The following CFAP299 variants were observed in gnomAD, a reference collection of about 807,000 sequenced individuals.
CFAP299 encodes the protein cilia and flagella associated protein 299.
In CFAP299, 21 loss-of-function variants were observed where a neutral mutation model predicts 27.0. The observed-to-expected ratio is 0.78, with a 90% confidence interval of 0.55 to 1.12. The LOEUF is 1.12. CFAP299 is among the 50% of genes most tolerant of loss of function. The pLI, the probability that CFAP299 is intolerant of heterozygous loss-of-function variation, is 0.00. For missense variants in CFAP299, 310 were observed against 276.6 expected, an observed-to-expected ratio of 1.12 and a Z score of -0.86; for synonymous variants, 104 against 98.1, an observed-to-expected ratio of 1.06 and a Z score of -0.36.
chr4:80,936,370 G>A (rs924704338), intron 4 of CFAP299, among the ~76,000 whole-genome samples: 2 of 152,026 alleles, frequency 1.3e-5, no homozygotes, highest in African/African-American at 2.4e-5. Flanking sequence ...CAATAGCAAA[G>A]ACATGCAATT....
chr4:80,869,562 G>C (rs1323876683), intron 3 of CFAP299, among the ~76,000 whole-genome samples: 1 of 152,174 alleles, frequency 6.6e-6, no homozygotes, highest in Admixed American at 6.5e-5. Context: ...CACCCAGGCT[G>C]GAGTGCAGTG....
intron 2 of CFAP299, among the ~76,000 whole-genome samples, chr4:80,506,816 G>A (rs1254869286): frequency 6.6e-6 from 1 of 152,130 alleles, no homozygotes; most frequent in Admixed American, 6.6e-5. Flanking sequence ...AGAGATAGGT[G>A]TGAGTTATTG....
At chr4:80,581,263 G>T (rs896702255) in intron 2 of CFAP299, among the ~76,000 whole-genome samples, 10 of 151,304 alleles carry the variant, frequency 6.6e-5, no homozygotes, top group South Asian at 4.1e-4. Context: ...TTACTTTTCT[G>T]TTTTAAACAT....
chr4:80,492,902 G>A (rs1198982510), intron 2 of CFAP299, among the ~76,000 whole-genome samples: 1 of 152,128 alleles, frequency 6.6e-6, no homozygotes, highest in East Asian at 1.9e-4. Context: ...GAGTGTGAGA[G>A]CTCAGTGAGA....
chr4:80,883,230 G>A (rs897558195), intron 4 of CFAP299, among the ~76,000 whole-genome samples: 7 of 152,074 alleles, frequency 4.6e-5, no homozygotes, highest in Admixed American at 4.6e-4. Context: ...AAAATGGACT[G>A]TTATAACTAA....
At chr4:80,333,898 T>G (rs1722029574), upstream of CFAP299, among the ~76,000 whole-genome samples, 1 of 152,240 alleles carries the variant, frequency 6.6e-6, no homozygotes, top group Non-Finnish European at 1.5e-5. Flanking sequence ...ATTTCTTTGT[T>G]GCCACCCTTT....
chr4:80,583,098 T>C lies in CFAP299; in HGVS notation c.248T>C (p.Leu83Pro). The C allele has an allele frequency of 6.3e-7, 1 of 1,599,324 alleles. No homozygotes were observed. The change falls in exon 3 of 6, where the codon CTA becomes CCA. Residue 83 changes from leucine (L) to proline (P), a missense_variant. Coordinates refer to ENST00000358105, the MANE Select transcript of CFAP299 (RefSeq NM_152770.3). ...RLAERAQQKTLTSAGKDLQDN... is the reference protein window; with the variant it reads ...RLAERAQQKTPTSAGKDLQDN... ...TGAAGATCTGCCTTTTACAGGACGC[T>C]AACAAGTGCTGGTAAAGACCTACAA...
At chr4:80,327,673 A>G in the CFAP299 span, among the ~76,000 whole-genome samples, 6 of 141,762 alleles carry the variant, frequency 4.2e-5, no homozygotes, top group Non-Finnish European at 9.1e-5. Flanking sequence ...ATATATACAT[A>G]TATATATAGA....
chr4:80,643,362 G>A (rs1384180485), intron 3 of CFAP299, among the ~76,000 whole-genome samples: 2 of 152,134 alleles, frequency 1.3e-5, no homozygotes, highest in African/African-American at 4.8e-5. Context: ...TGCCAAAAGA[G>A]AAGAAGGAAT....
rs1421655199 is a variant in CFAP299, at chr4:80,536,792, A to G, written c.243-46301A>G. On this transcript the variant is annotated intron_variant, in intron 2 of 5. Transcript: ENST00000358105. ...AAACATAGATAACAGGCTTCTTTAC[A>G]TTGGTCTGGGCAATGAATTTTTTGG... 2.0e-5 allele frequency among the ~76,000 whole-genome samples: 3 copies of G among 152,168 alleles called. No homozygotes were observed. In the East Asian group the frequency reaches 5.8e-4, roughly 29 times the overall value.
At chr4:80,385,335 C>A (rs1394095819) in intron 2 of CFAP299, among the ~76,000 whole-genome samples, 2 of 151,900 alleles carry the variant, frequency 1.3e-5, no homozygotes, top group Non-Finnish European at 2.9e-5. Flanking sequence ...TATTTATTTT[C>A]TTTTGTTTTA....
chr4:80,947,059 A>C (rs916690399), intron 5 of CFAP299, among the ~76,000 whole-genome samples: 2 of 152,186 alleles, frequency 1.3e-5, no homozygotes, highest in African/African-American at 4.8e-5. Context: ...TTGGGGAATC[A>C]TTATTGAATG....
chr4:80,930,619 A>C (rs1469236641), intron 4 of CFAP299, among the ~76,000 whole-genome samples: 1 of 152,114 alleles, frequency 6.6e-6, no homozygotes, highest in Non-Finnish European at 1.5e-5. Flanking sequence ...AACCTCATGC[A>C]CATTTGTTCA....
At chr4:80,575,147 T>C (rs1483097906) in intron 2 of CFAP299, among the ~76,000 whole-genome samples, 3 of 152,126 alleles carry the variant, frequency 2.0e-5, no homozygotes, top group African/African-American at 7.2e-5. Context: ...TTACTTTTTA[T>C]TGGTCTGTTT....
At chr4:80,884,635 T>C (rs1733881134) in intron 4 of CFAP299, among the ~76,000 whole-genome samples, 2 of 111,484 alleles carry the variant, frequency 1.8e-5, no homozygotes, top group East Asian at 5.1e-4. Context: ...ATAAAAATAA[T>C]AAATTATATA....
rs188660020 is a variant in CFAP299 at position 80,340,559 on chromosome 4, C to T, written c.111+4680C>T. Among the ~76,000 whole-genome samples the T allele has an allele frequency of 1.6e-3, 238 of 152,310 alleles. 2 individuals are homozygous for T. The highest frequency in any genetic ancestry group is 0.012 in the Admixed American group (187 of 15,304). On this transcript the variant is annotated intron_variant, in intron 1 of 5. Transcript: ENST00000358105. ...TGCACCTCACAAGCTAAGACCCACT[C>T]GCTTAGAATTCCAGTTGGCTAGTGC... is the stretch of plus-strand genomic sequence containing the variant.
chr4:80,619,614 C>T (rs1738471146), intron 3 of CFAP299, among the ~76,000 whole-genome samples: 1 of 152,022 alleles, frequency 6.6e-6, no homozygotes, highest in African/African-American at 2.4e-5. Flanking sequence ...TGTTGAAGGG[C>T]TGAATACAGA....
intron 3 of CFAP299, among the ~76,000 whole-genome samples, chr4:80,793,621 T>C (rs1560754672): frequency 6.6e-6 from 1 of 152,130 alleles, no homozygotes; most frequent in African/African-American, 2.4e-5. Flanking sequence ...AGTACAACTA[T>C]CCTTCGTACA....
At chr4:80,391,425 G>A (rs968017253) in intron 2 of CFAP299, among the ~76,000 whole-genome samples, 13 of 152,242 alleles carry the variant, frequency 8.5e-5, no homozygotes, top group African/African-American at 2.9e-4. Flanking sequence ...CAGGTGTGAA[G>A]TGTTATCTCA....
Sources: gnomAD v4.1 joint callset for allele counts (sites outside exome capture counted in the v4.1 genomes callset) on GRCh38, gnomAD v4.1.1 for gene constraint, MANE v1.5 for transcripts, NCBI Gene and HGNC (gene_info 2026-07-23, HGNC 2026-07-21) for gene names.